The following SYNE1 variants were observed in gnomAD, a reference collection of about 807,000 sequenced individuals.
The protein encoded by SYNE1 is spectrin repeat containing nuclear envelope protein 1.
Under a neutral mutation model 1,111.0 loss-of-function variants are expected in SYNE1, and 616 were observed. The ratio of observed to expected loss-of-function variants is 0.55; its 90% CI spans 0.52 to 0.59. SYNE1 has a LOEUF of 0.59. SYNE1 is among the 20% of genes least tolerant of loss of function. SYNE1 has a pLI of 0.00. For missense variants in SYNE1, 10,006 were observed against 10,417.0 expected (o/e 0.96, Z 1.72); for synonymous variants, 3,855 against 3,825.8 (o/e 1.01, Z -0.28).
At chr6:152,306,727 A>G (rs2095390511) in intron 91 of SYNE1, among the ~76,000 whole-genome samples, 1 of 150,982 alleles carries the variant, frequency 6.6e-6, no homozygotes. Context: ...CAAAAAAAAA[A>G]AATGCAAAAA....
At chr6:152,628,617 T>C (rs1012466684) in intron 2 of SYNE1, 63 bp from the exon 3 acceptor site, 6 of 411,268 alleles carry the variant, frequency 1.5e-5, no homozygotes, top group African/African-American at 1.2e-4. Context: ...ACCACAGTGC[T>C]AAAAGGAGAA....
Position 152,390,233 on chromosome 6 carries a change from A to G in SYNE1, c.8177+47T>C, listed in dbSNP as rs527914097. On this transcript the variant is annotated intron_variant, in intron 53 of 145. Coordinates refer to ENST00000367255, the MANE Select transcript of SYNE1 (RefSeq NM_182961.4). ...CTCAGTACTGCTCCATCATTTTACT[A>G]AGTCACTGCATTGGACTTAAACAAA... is the stretch of plus-strand genomic sequence containing the variant. 9.3e-6 allele frequency: 15 copies of G among 1,606,298 alleles called. 2 individuals are homozygous for G. In the African/African-American group the frequency reaches 1.9e-4, roughly 20 times the overall value.
At chr6:152,605,076 A>AGAAGGAAGGAAGGAAGGAAGGAAGGAAG (rs376634946) in intron 3 of SYNE1, among the ~76,000 whole-genome samples, 1 of 32,348 alleles carries the variant, frequency 3.1e-5, no homozygotes, top group Non-Finnish European at 5.1e-5. Context: ...GAGGGAGGAA[A>AGAAGGAAGGAAGGAAGGAAGGAAGGAAG]GAAGGAAGGA....
intron 12 of SYNE1, among the ~76,000 whole-genome samples, chr6:152,486,174 T>C (rs1037945243): frequency 2.0e-5 from 3 of 151,702 alleles, no homozygotes; most frequent in African/African-American, 7.3e-5. Flanking sequence ...ACACTCCAGC[T>C]TGGCGACAGA....
At position 152,136,827 on chromosome 6, in the gene SYNE1, A is replaced by C; in HGVS notation, c.25459-9T>G. ...ACAGCTTTCTGGAGCTCCTGAAAAG[A>C]ACAAAAAAGACAATCAAACAAGGAC... On this transcript the variant is annotated splice_polypyrimidine_tract_variant and intron_variant, in intron 140 of 145. Transcript: ENST00000367255. 1 of 1,613,798 alleles carries C rather than the reference A, an allele frequency of 6.2e-7. No individual in the cohort carries two copies. The highest frequency in any genetic ancestry group is 8.5e-7 in the Non-Finnish European group (1 of 1,179,654).
At chr6:152,477,129 C>G (rs2098839628) in intron 14 of SYNE1, among the ~76,000 whole-genome samples, 1 of 151,688 alleles carries the variant, frequency 6.6e-6, no homozygotes, top group South Asian at 2.1e-4. Flanking sequence ...CAATATTGAC[C>G]CAATTGCAAT....
chr6:152,399,720 A>G lies in SYNE1; in HGVS notation c.7133T>C (p.Leu2378Pro), dbSNP rs1416146042. The change falls in exon 48 of 146, where the codon CTG becomes CCG. Residue 2378 changes from leucine to proline, a missense_variant. This residue lies in a region of SYNE1 where 4,955 missense variants were observed against 5,017.2 expected (regional missense o/e 0.99). Coordinates refer to ENST00000367255, the MANE Select transcript of SYNE1 (RefSeq NM_182961.4). ...TATCAGACCAGTCATTGCACGGCCC[A>G]GGCTCTCCAACTCAGCTGAGTGGTA... ...RKYHSAELESLGRAMTGLIKK... is the reference protein window; with the variant it reads ...RKYHSAELESPGRAMTGLIKK... 1 of 1,614,020 alleles carries G rather than the reference A, an allele frequency of 6.2e-7. No homozygotes were observed. Among genetic ancestry groups the G allele is most frequent in the South Asian group, 1.1e-5 (1 of 91,086 alleles).
In SYNE1 at chr6:152,149,576, A is replaced by G; in HGVS notation, c.24543T>C (p.Asp8181=). The part of the protein sequence containing the change: ...EQLIEKSEPL[D]AAIIEEELDE... ...CTAGTTCCTCCTCGATGATCGCTGC[A>G]TCCAAGGGCTCACTCTTTTCTATCA... The change falls in exon 136 of 146, where the codon GAT becomes GAC. Residue 8181 remains aspartate, a synonymous_variant. Coordinates refer to ENST00000367255, the MANE Select transcript of SYNE1 (RefSeq NM_182961.4). 1 of 1,614,170 alleles carries G rather than the reference A, an allele frequency of 6.2e-7. No individual in the cohort carries two copies. Among genetic ancestry groups the G allele is most frequent in the South Asian group, 1.1e-5 (1 of 91,078 alleles).
At position 152,274,127 on chromosome 6, in the gene SYNE1, G is replaced by C. The variant is rs117101304; in HGVS notation, c.18573+3962C>G. ...ATAATAGCTGTTTACAAAACTAGGT[G>C]AATTGCTGTCTACTTTTACAGCTAG... On this transcript the variant is annotated intron_variant, in intron 98 of 145. Transcript: ENST00000367255. Among the ~76,000 whole-genome samples, 170 of 152,326 alleles carry C rather than the reference G, an allele frequency of 1.1e-3. 3 individuals carry two copies. In the East Asian group the frequency reaches 0.03, roughly 27 times the overall value.
rs752224921 is a variant in SYNE1 at position 152,331,427 on chromosome 6, G to A, written c.13258C>T (p.Arg4420Ter). 7 of 1,613,978 alleles carry A rather than the reference G, an allele frequency of 4.3e-6. No individual in the cohort carries two copies. In the Admixed American group the frequency reaches 6.7e-5, roughly 15 times the overall value. ...GAGAGAGCCTTCTGGATGACCTGTC[G>A]CTCATTGAGACCAAGATCTGCCATG... Reference protein sequence around the residue: ...RVMADLGLNERQVIQKALSDA... With the variant: ...RVMADLGLNE The change falls in exon 78 of 146, where the codon CGA (arginine) becomes TGA (stop). Residue 4420 changes from arginine to a stop codon, truncating the protein, a stop_gained. Transcript: ENST00000367255. LOFTEE classifies it high-confidence loss of function.
At chr6:152,539,865 T>G (rs1339334114) in intron 4 of SYNE1, 95 bp downstream of exon 4, 2 of 1,324,432 alleles carry the variant, frequency 1.5e-6, no homozygotes, top group South Asian at 2.4e-5. Flanking sequence ...TTCGCAACAG[T>G]GACAACAGGG....
intron 137 of SYNE1, chr6:152,145,432 G>A (rs1400655719): frequency 2.6e-6 from 4 of 1,517,174 alleles, no homozygotes; most frequent in East Asian, 4.5e-5. Flanking sequence ...TGCTAAGAGA[G>A]GAGGATTGCT....
At chr6:152,208,230 T>TA (rs2076879827) in intron 124 of SYNE1, 24 bp from the exon 125 acceptor site, 2 of 1,604,136 alleles carry the variant, frequency 1.2e-6, no homozygotes. Context: ...AATTACATGG[T>TA]AAAAAAGCAC....
intron 74 of SYNE1, among the ~76,000 whole-genome samples, chr6:152,342,814 G>A (rs748757604): frequency 5.3e-5 from 8 of 152,282 alleles, no homozygotes; most frequent in South Asian, 4.1e-4. Context: ...GCATGTGGAT[G>A]TCAAATTAAT....
chr6:152,635,287 AT>A (rs2099704236), intron 2 of SYNE1, among the ~76,000 whole-genome samples: 1 of 152,218 alleles, frequency 6.6e-6, no homozygotes, highest in Non-Finnish European at 1.5e-5. Flanking sequence ...CTAGGCAAAT[AT>A]TTCCAAAGCC....
chr6:152,284,312 C>G, intron 95 of SYNE1, 140 bp from the exon 96 acceptor site: 1 of 850,864 alleles, frequency 1.2e-6, no homozygotes, highest in South Asian at 1.4e-5. Flanking sequence ...CAAATAGCAG[C>G]CTACTCACCT....
intron 18 of SYNE1, among the ~76,000 whole-genome samples, chr6:152,463,938 T>C (rs1285038322): frequency 6.6e-6 from 1 of 152,154 alleles, no homozygotes; most frequent in African/African-American, 2.4e-5. Flanking sequence ...GGGGTATGAG[T>C]ACAATTTTGT....
chr6:152,412,416 TC>T (rs1226018191), intron 42 of SYNE1, among the ~76,000 whole-genome samples: 1 of 134,960 alleles, frequency 7.4e-6, no homozygotes, highest in Admixed American at 7.9e-5. Context: ...AGAGCGAGAC[TC>T]CGTCTCAAAA....
rs1321531784 is a variant in SYNE1, at chr6:152,407,049, G to A, written c.6688C>T (p.His2230Tyr). 1 of 1,613,626 alleles carries A rather than the reference G, an allele frequency of 6.2e-7. No individual in the cohort carries two copies. Among genetic ancestry groups the A allele is most frequent in the Non-Finnish European group, 8.5e-7 (1 of 1,179,932 alleles). Reference sequence around the variant, plus strand: ...TTAAGCAGTTCTTCAGCTCTGAGGTGGTTATCCAGGTTGCTGATGTTTTCT... The same window carrying A: ...TTAAGCAGTTCTTCAGCTCTGAGGTAGTTATCCAGGTTGCTGATGTTTTCT... ...MAENISNLDNHLRAEELLKEF... is the reference protein window; with the variant it reads ...MAENISNLDNYLRAEELLKEF... Residue 2230 changes from histidine to tyrosine, a missense_variant, in exon 45 of 146, where the codon CAC (histidine) becomes TAC (tyrosine). Transcript: ENST00000367255.
Sources: gnomAD v4.1 joint callset for allele counts (sites outside exome capture counted in the v4.1 genomes callset) on GRCh38, gnomAD v4.1.1 for gene constraint, gnomAD v4.1.1 regional missense constraint, MANE v1.5 for transcripts, NCBI Gene and HGNC (gene_info 2026-07-23, HGNC 2026-07-21) for gene names.